The following TNNI3K variants were observed in gnomAD, a reference collection of about 807,000 sequenced individuals.
The protein encoded by TNNI3K is serine/threonine-protein kinase TNNI3K.
Under a neutral mutation model 114.5 loss-of-function variants are expected in TNNI3K, and 140 were observed. The ratio of observed to expected loss-of-function variants is 1.22; its 90% CI spans 1.07 to 1.41. The LOEUF (loss-of-function observed/expected upper bound fraction) is 1.41. Among genes scored for constraint, TNNI3K ranks in the 40% most tolerant of loss-of-function variants. The pLI, the probability that TNNI3K is intolerant of heterozygous loss-of-function variation, is 0.00. For synonymous variants in TNNI3K, 347 were observed against 347.5 expected (o/e 1.00, Z 0.02); for missense variants, 1,125 against 1,007.6 (o/e 1.12, Z -1.58).
chr1:74,348,475 A>T (rs1661144981), intron 9 of TNNI3K, among the ~76,000 whole-genome samples: 1 of 152,334 alleles, frequency 6.6e-6, no homozygotes, highest in South Asian at 2.1e-4. Flanking sequence ...TGACTTGGCA[A>T]TGCGGGCTCT....
At chr1:74,436,902 C>G (rs1261579167) in intron 19 of TNNI3K, among the ~76,000 whole-genome samples, 1 of 151,992 alleles carries the variant, frequency 6.6e-6, no homozygotes, top group Non-Finnish European at 1.5e-5. Flanking sequence ...ATTAACTATT[C>G]ATCGTTCTCC....
intron 4 of TNNI3K, among the ~76,000 whole-genome samples, chr1:74,261,629 T>G (rs1557458175): frequency 6.6e-6 from 1 of 152,198 alleles, no homozygotes; most frequent in East Asian, 1.9e-4. Context: ...TTAGAAGATC[T>G]TAATTGAGAA....
At chr1:74,367,843 G>A in intron 12 of TNNI3K, 65 bp from the exon 13 acceptor site, 1 of 1,448,660 alleles carries the variant, frequency 6.9e-7, no homozygotes, top group Non-Finnish European at 9.3e-7. Flanking sequence ...TTTTTATAAT[G>A]TTGAACTTTT....
intron 17 of TNNI3K, among the ~76,000 whole-genome samples, chr1:74,420,354 A>G (rs1186401476): frequency 4.6e-5 from 7 of 152,144 alleles, no homozygotes; most frequent in Admixed American, 2.6e-4. Flanking sequence ...GAAGAAAAGA[A>G]CAATGTAGGA....
intron 5 of TNNI3K, among the ~76,000 whole-genome samples, chr1:74,294,495 T>C (rs985011269): frequency 6.6e-6 from 1 of 152,054 alleles, no homozygotes; most frequent in Non-Finnish European, 1.5e-5. Context: ...TCCTCAGTGA[T>C]GTCATGCAAG....
At chr1:74,427,037 T>C (rs1665672417) in intron 17 of TNNI3K, among the ~76,000 whole-genome samples, 1 of 152,108 alleles carries the variant, frequency 6.6e-6, no homozygotes, top group Non-Finnish European at 1.5e-5. Context: ...TTCCTTTCAA[T>C]TCTAAAATAT....
At position 74,336,855 on chromosome 1, in the gene TNNI3K, G is replaced by A. The variant is rs1660498448; in HGVS notation, c.682+706G>A. ...TAGCAGCATGATTTATAGTCCTTTG[G>A]GTATATACCCAGTAATGGATGGCTG... On this transcript the variant is annotated intron_variant, in intron 7 of 24. Coordinates refer to ENST00000326637, the MANE Select transcript of TNNI3K (RefSeq NM_015978.3). Among the ~76,000 whole-genome samples the A allele has an allele frequency of 7.2e-5, 11 of 151,964 alleles. No individual in the cohort carries two copies. In the South Asian group the frequency reaches 1.5e-3, roughly 20 times the overall value.
intron 5 of TNNI3K, among the ~76,000 whole-genome samples, chr1:74,316,825 G>GAC (rs1403671612): frequency 6.6e-6 from 1 of 151,318 alleles, no homozygotes; most frequent in Non-Finnish European, 1.5e-5. Context: ...GAGTAGCTGG[G>GAC]ACTACAGGCG....
chr1:74,502,009 T>C (rs1669658399), intron 23 of TNNI3K, among the ~76,000 whole-genome samples: 1 of 152,142 alleles, frequency 6.6e-6, no homozygotes, highest in Non-Finnish European at 1.5e-5. Flanking sequence ...ATGTTGCCCT[T>C]TGAAGATTTT....
chr1:74,332,976 A>AAAAGAG (rs57556485), intron 6 of TNNI3K, among the ~76,000 whole-genome samples: 2,029 of 90,616 alleles, frequency 0.022, 49 homozygotes, highest in Non-Finnish European at 0.033. Flanking sequence ...AAAAAAAAAA[A>AAAAGAG]AGAGAGAGAC....
Position 74,249,445 on chromosome 1 carries a change from C to T in TNNI3K, c.150-14C>T, listed in dbSNP as rs751478405. On this transcript the variant is annotated splice_polypyrimidine_tract_variant and intron_variant, in intron 2 of 24. Transcript: ENST00000326637. ...AGATGAATTTTGTGATCATCTGTAACATGTTTTTTTCAGCTCTGATGAAGC... is the reference window on the plus strand; with the variant it reads ...AGATGAATTTTGTGATCATCTGTAATATGTTTTTTTCAGCTCTGATGAAGC... 6.2e-7 allele frequency: 1 copy of T among 1,608,412 alleles called. No homozygotes were observed. The highest frequency in any genetic ancestry group is 8.5e-7 in the Non-Finnish European group (1 of 1,177,630).
At chr1:74,387,162 TACAA>T (rs950411414) in intron 17 of TNNI3K, among the ~76,000 whole-genome samples, 14 of 152,308 alleles carry the variant, frequency 9.2e-5, no homozygotes, top group African/African-American at 2.6e-4. Context: ...AATTGAACAA[TACAA>T]ACAATTTATG....
intron 20 of TNNI3K, among the ~76,000 whole-genome samples, chr1:74,440,730 T>G (rs1304634422): frequency 6.6e-6 from 1 of 152,170 alleles, no homozygotes; most frequent in African/African-American, 2.4e-5. Context: ...TAAATTAGAC[T>G]TAGCCCTTAT....
In TNNI3K at chr1:74,461,898, G is replaced by A. The variant is rs535572908; in HGVS notation, c.2012-1543G>A. Among the ~76,000 whole-genome samples the A allele has an allele frequency of 2.0e-4, 31 of 152,086 alleles. No homozygotes were observed. The East Asian group carries it at 3.9e-3, about 19-fold the overall frequency. ...CCAAATTTGGAAAAACCTAAAATTC[G>A]GAAATGATTAAAAACTAAATGCAGA... On this transcript the variant is annotated intron_variant, in intron 20 of 24. Coordinates refer to ENST00000326637, the MANE Select transcript of TNNI3K (RefSeq NM_015978.3).
intron 7 of TNNI3K, 145 bp downstream of exon 7, chr1:74,336,294 T>C (rs1660459797): frequency 9.3e-7 from 1 of 1,080,894 alleles, no homozygotes; most frequent in Non-Finnish European, 1.2e-6. Flanking sequence ...AATTCATCTT[T>C]AATATATTTA....
rs147884616 is a variant in TNNI3K, at chr1:74,324,602, C to T, written c.445-6848C>T. On this transcript the variant is annotated intron_variant, in intron 5 of 24. Coordinates refer to ENST00000326637, the MANE Select transcript of TNNI3K (RefSeq NM_015978.3). ...GAGTTTATAAGATAAACTTACAGAT[C>T]TCAGAAAGAAGAGGGCAGCACACCT... is the stretch of plus-strand genomic sequence containing the variant. Among the ~76,000 whole-genome samples the T allele has an allele frequency of 2.7e-3, 404 of 152,210 alleles. 3 individuals carry two copies. Among genetic ancestry groups the T allele is most frequent in the African/African-American group, 9.2e-3 (381 of 41,524 alleles).
intron 23 of TNNI3K, among the ~76,000 whole-genome samples, chr1:74,513,632 C>A (rs1275525421): frequency 6.6e-6 from 1 of 152,158 alleles, no homozygotes; most frequent in African/African-American, 2.4e-5. Flanking sequence ...TGTTTAACAT[C>A]TTGTCACTTG....
At chr1:74,432,264 A>T (rs1003290324) in intron 17 of TNNI3K, among the ~76,000 whole-genome samples, 1 of 152,158 alleles carries the variant, frequency 6.6e-6, no homozygotes, top group Non-Finnish European at 1.5e-5. Context: ...AATCAGAAGG[A>T]TCTGACTCAT....
At chr1:74,419,731 C>G (rs961759352) in intron 17 of TNNI3K, among the ~76,000 whole-genome samples, 11 of 152,070 alleles carry the variant, frequency 7.2e-5, no homozygotes. Flanking sequence ...ATCTAGTTCT[C>G]TGCTCTCAGG....
Sources: allele counts gnomAD v4.1 joint callset (sites outside exome capture counted in the v4.1 genomes callset), GRCh38; gene constraint gnomAD v4.1.1; transcripts MANE v1.5; gene names NCBI Gene and HGNC (gene_info 2026-07-23, HGNC 2026-07-21).